The following CACNB2 variants were observed in gnomAD, a reference collection of about 807,000 sequenced individuals.
CACNB2 encodes calcium voltage-gated channel auxiliary subunit beta 2.
CACNB2 carries 42 observed loss-of-function variants against 73.3 expected under a neutral mutation model. The observed-to-expected ratio is 0.57, with a 90% CI of 0.45 to 0.74. The LOEUF (loss-of-function observed/expected upper bound fraction) is 0.74. Ranked by LOEUF, CACNB2 falls within the 30% of genes least tolerant of loss-of-function variation. The pLI is 0.00. For missense variants in CACNB2, 940 were observed against 853.0 expected (o/e 1.10, Z -1.27); for synonymous variants, 348 against 310.3 (o/e 1.12, Z -1.28).
intron 3 of CACNB2, among the ~76,000 whole-genome samples, chr10:18,416,039 C>T (rs2044939569): frequency 6.6e-6 from 1 of 152,070 alleles, no homozygotes; most frequent in Non-Finnish European, 1.5e-5. Context: ...CACCCAAGTA[C>T]AGCAGTTTTG....
At chr10:18,445,647 G>C (rs2046696720) in intron 3 of CACNB2, among the ~76,000 whole-genome samples, 1 of 152,202 alleles carries the variant, frequency 6.6e-6, no homozygotes, top group South Asian at 2.1e-4. Flanking sequence ...AAGACGGAAG[G>C]CCAGATGTAA....
At chr10:18,300,790 A>T (rs1007836967) in intron 2 of CACNB2, among the ~76,000 whole-genome samples, 3 of 152,204 alleles carry the variant, frequency 2.0e-5, no homozygotes, top group African/African-American at 7.2e-5. Flanking sequence ...CAGAGATTGC[A>T]GTGAACTGAG....
chr10:18,388,045 C>G (rs893057228), intron 2 of CACNB2, among the ~76,000 whole-genome samples: 1 of 152,202 alleles, frequency 6.6e-6, no homozygotes, highest in African/African-American at 2.4e-5. Flanking sequence ...GAGTGAGCCA[C>G]TGCACCTGGC....
At chr10:18,513,899 G>A (rs1394371487) in intron 6 of CACNB2, among the ~76,000 whole-genome samples, 1 of 152,192 alleles carries the variant, frequency 6.6e-6, no homozygotes, top group Non-Finnish European at 1.5e-5. Context: ...GAAGTCAAAT[G>A]TTCTGTACTG....
chr10:18,454,095 G>A (rs1022629901), intron 3 of CACNB2, among the ~76,000 whole-genome samples: 1 of 152,194 alleles, frequency 6.6e-6, no homozygotes, highest in African/African-American at 2.4e-5. Flanking sequence ...CTATTCTCTT[G>A]AAATGTAAAC....
intron 2 of CACNB2, among the ~76,000 whole-genome samples, chr10:18,277,195 G>C (rs753122854): frequency 4.6e-5 from 7 of 152,230 alleles, no homozygotes; most frequent in Non-Finnish European, 8.8e-5. Context: ...GAAGCTATGT[G>C]ATAAAGAATC....
chr10:18,470,400 T>G (rs997737785), intron 3 of CACNB2, among the ~76,000 whole-genome samples: 5 of 149,484 alleles, frequency 3.3e-5, no homozygotes, highest in Non-Finnish European at 1.5e-5. Flanking sequence ...ATACAGCATG[T>G]GTTACATATA....
At chr10:18,365,886 C>A (rs1286879112) in intron 2 of CACNB2, among the ~76,000 whole-genome samples, 1 of 152,172 alleles carries the variant, frequency 6.6e-6, no homozygotes, top group African/African-American at 2.4e-5. Flanking sequence ...ATAGAACTAT[C>A]TTTGTTGAGG....
At chr10:18,342,416 C>T (rs1235087857) in intron 2 of CACNB2, among the ~76,000 whole-genome samples, 1 of 152,112 alleles carries the variant, frequency 6.6e-6, no homozygotes, top group Non-Finnish European at 1.5e-5. Flanking sequence ...TCGCTTGAGG[C>T]CAGAAGCTAG....
chr10:18,521,360 T>C (rs913578299), intron 9 of CACNB2, among the ~76,000 whole-genome samples: 1 of 152,148 alleles, frequency 6.6e-6, no homozygotes, highest in African/African-American at 2.4e-5. Flanking sequence ...AGATGGTATA[T>C]AGTGTGTGAA....
chr10:18,414,233 C>T (rs542811673), intron 3 of CACNB2, among the ~76,000 whole-genome samples: 148 of 152,336 alleles, frequency 9.7e-4, no homozygotes, highest in African/African-American at 3.1e-3. Context: ...TGCTTTCTGC[C>T]TCTTAGTCAC....
intron 2 of CACNB2, among the ~76,000 whole-genome samples, chr10:18,167,498 C>T (rs375276999): frequency 1.4e-4 from 21 of 152,134 alleles, no homozygotes; most frequent in Non-Finnish European, 2.4e-4. Context: ...GATACAGCCT[C>T]GGGGAGGAGG....
chr10:18,436,291 C>T (rs1170196180), intron 3 of CACNB2, among the ~76,000 whole-genome samples: 1 of 152,138 alleles, frequency 6.6e-6, no homozygotes, highest in Non-Finnish European at 1.5e-5. Flanking sequence ...GAACAAAATC[C>T]TAGAAGCCAT....
At chr10:18,443,345 G>A (rs919364061) in intron 3 of CACNB2, among the ~76,000 whole-genome samples, 1 of 151,884 alleles carries the variant, frequency 6.6e-6, no homozygotes, top group Non-Finnish European at 1.5e-5. Context: ...AGTACCGGAG[G>A]CACGTTTTCA....
intron 3 of CACNB2, among the ~76,000 whole-genome samples, chr10:18,449,975 A>C (rs1228982199): frequency 6.6e-6 from 1 of 152,248 alleles, no homozygotes; most frequent in Non-Finnish European, 1.5e-5. Context: ...CCAGCGTGGA[A>C]GACCCGGGGC....
intron 2 of CACNB2, among the ~76,000 whole-genome samples, chr10:18,342,019 G>C (rs376631221): frequency 6.6e-6 from 1 of 151,956 alleles, no homozygotes; most frequent in Admixed American, 6.6e-5. Context: ...AATTATCAAC[G>C]GTTTCTGGGC....
intron 3 of CACNB2, among the ~76,000 whole-genome samples, chr10:18,410,070 G>C (rs1171071016): frequency 6.6e-6 from 1 of 152,118 alleles, no homozygotes; most frequent in African/African-American, 2.4e-5. Context: ...TCATCCTTCA[G>C]AGGTGCCTGT....
intron 2 of CACNB2, among the ~76,000 whole-genome samples, chr10:18,347,260 C>G (rs998962047): frequency 6.6e-6 from 1 of 151,874 alleles, no homozygotes; most frequent in African/African-American, 2.4e-5. Flanking sequence ...TCAATGCAAC[C>G]TCCGCCTCCC....
rs146458057 is a variant in CACNB2, at chr10:18,192,224, A to G, written c.213+41249A>G. The stretch of plus-strand genomic sequence containing the variant: ...GATTTCATCACCTGAACCTTCAAGG[A>G]TTCTTTGTCTGTACCAGGCAGGCCT... On this transcript the variant is annotated intron_variant, in intron 2 of 13. Coordinates refer to ENST00000324631, the MANE Select transcript of CACNB2 (RefSeq NM_201596.3). 3.7e-3 allele frequency among the ~76,000 whole-genome samples: 570 copies of G among 152,186 alleles called. 5 individuals carry two copies. Among genetic ancestry groups the G allele is most frequent in the African/African-American group, 0.013 (543 of 41,502 alleles).
Sources: allele counts gnomAD v4.1 joint callset (sites outside exome capture counted in the v4.1 genomes callset), GRCh38; gene constraint gnomAD v4.1.1; transcripts MANE v1.5; gene names NCBI Gene and HGNC (gene_info 2026-07-23, HGNC 2026-07-21).